NXPH1: variants seen among roughly 807,000 people sequenced by gnomAD.
NXPH1 encodes neurexophilin 1, also known as neurexophilin-1.
A neutral mutation model predicts 23.7 loss-of-function variants in NXPH1; 5 were observed. The ratio of observed to expected loss-of-function variants is 0.21; its 90% CI spans 0.11 to 0.44. The LOEUF is 0.44. Among genes scored for constraint, NXPH1 ranks in the 20% least tolerant of loss-of-function variants. The pLI is 0.99. For missense variants in NXPH1, 324 were observed against 321.6 expected (o/e 1.01, Z -0.06); for synonymous variants, 144 against 122.2 (o/e 1.18, Z -1.18).
intron 2 of NXPH1, among the ~76,000 whole-genome samples, chr7:8,453,035 A>G (rs1816533675): frequency 1.3e-5 from 2 of 152,156 alleles, no homozygotes; most frequent in African/African-American, 4.8e-5. Context: ...AACAGAGTTA[A>G]TAATGATAAC....
chr7:8,710,640 G>GGTTTTTTTTTTTTTTTTTTTTTTT lies in NXPH1; in HGVS notation c.55-40368_55-40367insGTTTTTTTTTTTTTTTTTTTTTTT, dbSNP rs1376868557. Among the ~76,000 whole-genome samples the GGTTTTTTTTTTTTTTTTTTTTTTT allele has an allele frequency of 1.4e-4, 4 of 27,672 alleles. 2 individuals are homozygous for GGTTTTTTTTTTTTTTTTTTTTTTT. 18.2% of individuals were successfully genotyped at this position (27,672 alleles called of 152,430 possible). ...TTGAACAAAGCATGTCAACTGTTAC[G>GGTTTTTTTTTTTTTTTTTTTTTTT]TTTTTTGTTTTTTTTTTTTTTTTTT... On this transcript the variant is annotated intron_variant, in intron 2 of 2. Transcript: ENST00000405863.
chr7:8,565,489 A>G (rs1301280897), intron 2 of NXPH1, among the ~76,000 whole-genome samples: 1 of 80,888 alleles, frequency 1.2e-5, no homozygotes, highest in Admixed American at 1.5e-4. Flanking sequence ...CTATAGAATC[A>G]CAGTGAGTTT....
intron 2 of NXPH1, among the ~76,000 whole-genome samples, chr7:8,631,081 G>C (rs62447910): frequency 0.27 from 41,617 of 151,760 alleles, 6,102 homozygotes; most frequent in African/African-American, 0.35. Context: ...CTAGTGCCAT[G>C]TATGTCCCTG....
chr7:8,537,691 T>C (rs568771266), intron 2 of NXPH1, among the ~76,000 whole-genome samples: 7 of 152,024 alleles, frequency 4.6e-5, no homozygotes, highest in Admixed American at 1.3e-4. Context: ...CACATTTGTG[T>C]ACTAGCTGTG....
intron 2 of NXPH1, among the ~76,000 whole-genome samples, chr7:8,695,560 A>T (rs569169168): frequency 6.6e-6 from 1 of 150,760 alleles, no homozygotes; most frequent in Non-Finnish European, 1.5e-5. Flanking sequence ...TATTTATATG[A>T]CCTTTACCTT....
At chr7:8,450,177 A>G (rs1374494526) in intron 2 of NXPH1, among the ~76,000 whole-genome samples, 1 of 152,210 alleles carries the variant, frequency 6.6e-6, no homozygotes, top group Non-Finnish European at 1.5e-5. Context: ...TCTTGGCAGC[A>G]GGAGGTGGGG....
chr7:8,577,358 A>G (rs2128623069), intron 2 of NXPH1, among the ~76,000 whole-genome samples: 1 of 152,306 alleles, frequency 6.6e-6, no homozygotes, highest in East Asian at 1.9e-4. Context: ...GTCTTCTCCC[A>G]CTATCACTAA....
intron 2 of NXPH1, among the ~76,000 whole-genome samples, chr7:8,622,688 A>T (rs535267517): frequency 6.6e-6 from 1 of 152,240 alleles, no homozygotes; most frequent in South Asian, 2.1e-4. Flanking sequence ...ACAAATATTT[A>T]TTGAATACCA....
At chr7:8,489,812 T>A (rs1817219139) in intron 2 of NXPH1, among the ~76,000 whole-genome samples, 1 of 152,112 alleles carries the variant, frequency 6.6e-6, no homozygotes, top group Non-Finnish European at 1.5e-5. Flanking sequence ...AATTCAAACC[T>A]GCTCTCAGTT....
intron 2 of NXPH1, among the ~76,000 whole-genome samples, chr7:8,742,132 G>A (rs1224567177): frequency 6.6e-6 from 1 of 152,056 alleles, no homozygotes; most frequent in Admixed American, 6.6e-5. Context: ...GAGAGAAAAA[G>A]CAAAACAAAT....
intron 2 of NXPH1, among the ~76,000 whole-genome samples, chr7:8,582,041 T>C (rs117523201): frequency 0.019 from 2,903 of 152,274 alleles, 36 homozygotes; most frequent in Non-Finnish European, 0.031. Context: ...TAGCCAGGCA[T>C]ACTGGCTGCT....
intron 2 of NXPH1, among the ~76,000 whole-genome samples, chr7:8,446,048 A>T (rs1425948094): frequency 6.6e-6 from 1 of 152,246 alleles, no homozygotes. Context: ...CTTATATAAA[A>T]TTAATGGACT....
At chr7:8,594,160 C>A (rs181107849) in intron 2 of NXPH1, among the ~76,000 whole-genome samples, 2 of 152,026 alleles carry the variant, frequency 1.3e-5, no homozygotes, top group Non-Finnish European at 2.9e-5. Context: ...CCACCCCCCA[C>A]GTTTACTTGA....
chr7:8,717,144 G>A (rs1361255935), intron 2 of NXPH1, among the ~76,000 whole-genome samples: 2 of 152,106 alleles, frequency 1.3e-5, no homozygotes, highest in Admixed American at 6.5e-5. Context: ...TCTTCCCTTA[G>A]TAGGTTTGCT....
At chr7:8,576,292 G>T (rs1309154512) in intron 2 of NXPH1, among the ~76,000 whole-genome samples, 5 of 152,156 alleles carry the variant, frequency 3.3e-5, no homozygotes, top group Non-Finnish European at 7.3e-5. Context: ...AATGACCAAA[G>T]TAGTCATCAT....
chr7:8,649,124 C>T (rs898230372), intron 2 of NXPH1, among the ~76,000 whole-genome samples: 1 of 151,946 alleles, frequency 6.6e-6, no homozygotes, highest in African/African-American at 2.4e-5. Context: ...CCTTTATATA[C>T]ATCTCTTTAA....
At chr7:8,511,534 T>A (rs570752247) in intron 2 of NXPH1, among the ~76,000 whole-genome samples, 1 of 152,130 alleles carries the variant, frequency 6.6e-6, no homozygotes, top group Non-Finnish European at 1.5e-5. Context: ...CCTTGACATA[T>A]CTCCTTCACT....
chr7:8,663,578 C>T (rs1043820338), intron 2 of NXPH1, among the ~76,000 whole-genome samples: 4 of 152,048 alleles, frequency 2.6e-5, no homozygotes, highest in African/African-American at 9.7e-5. Flanking sequence ...ACAAAACCTA[C>T]TAAAATTGTT....
At chr7:8,653,442 CAG>C (rs1820522038) in intron 2 of NXPH1, among the ~76,000 whole-genome samples, 1 of 152,180 alleles carries the variant, frequency 6.6e-6, no homozygotes, top group African/African-American at 2.4e-5. Context: ...AAGCTCTGGA[CAG>C]AGAAGCATTG....
Sources: allele counts gnomAD v4.1 joint callset (sites outside exome capture counted in the v4.1 genomes callset), GRCh38; gene constraint gnomAD v4.1.1; transcripts MANE v1.5; gene names NCBI Gene and HGNC (gene_info 2026-07-23, HGNC 2026-07-21).